The following TTC13 variants were observed in gnomAD, a reference collection of about 807,000 sequenced individuals.
TTC13 encodes tetratricopeptide repeat protein 13.
In TTC13, 62 loss-of-function variants were observed where a neutral mutation model predicts 120.0. The observed-to-expected ratio is 0.52, with a 90% CI of 0.42 to 0.64. The LOEUF is 0.64. Ranked by LOEUF, TTC13 falls within the 30% of genes least tolerant of loss-of-function variation. The probability of loss-of-function intolerance (pLI) is 0.00; values close to 1 mark genes in which losing one functional copy is unlikely to be tolerated. For missense variants in TTC13, 824 were observed against 1,050.2 expected (o/e 0.78, Z 2.98); for synonymous variants, 384 against 393.5 (o/e 0.98, Z 0.28).
At chr1:230,959,854 A>G (rs1158065175) in intron 2 of TTC13, among the ~76,000 whole-genome samples, 2 of 152,254 alleles carry the variant, frequency 1.3e-5, no homozygotes, top group Admixed American at 6.5e-5. Context: ...CTTACACTTC[A>G]GTTCCTGAAA....
chr1:230,923,784 C>T (rs1672803174), intron 15 of TTC13, 57 bp downstream of exon 15: 1 of 1,455,326 alleles, frequency 6.9e-7, no homozygotes, highest in Admixed American at 1.7e-5. Flanking sequence ...TCTCCATGGC[C>T]TGTGTCTTGA....
chr1:230,914,075 C>G (rs1344698179), intron 18 of TTC13, among the ~76,000 whole-genome samples: 2 of 152,052 alleles, frequency 1.3e-5, no homozygotes, highest in Admixed American at 6.6e-5. Context: ...AGATGGGATG[C>G]CAGGCAGAGT....
chr1:230,975,226 T>C (rs1297173551), intron 1 of TTC13, among the ~76,000 whole-genome samples: 1 of 141,152 alleles, frequency 7.1e-6, no homozygotes, highest in Non-Finnish European at 1.5e-5. Context: ...AAAAAAAAAA[T>C]AGCTGGGCAT....
intron 17 of TTC13, among the ~76,000 whole-genome samples, chr1:230,917,427 C>CTTTATTA (rs1672143509): frequency 2.0e-5 from 3 of 152,150 alleles, no homozygotes; most frequent in African/African-American, 7.2e-5. Flanking sequence ...CTCTAGGGGG[C>CTTTATTA]GCTGACATAC....
chr1:230,931,335 C>T lies in TTC13; in HGVS notation c.1263G>A (p.Lys421=). 6.2e-7 allele frequency: 1 copy of T among 1,614,152 alleles called. No individual in the cohort carries two copies. The highest frequency in any genetic ancestry group is 8.5e-7 in the Non-Finnish European group (1 of 1,180,038). Residue 421 remains lysine (K), a synonymous_variant, in exon 11 of 23, where the codon AAG becomes AAA. Transcript: ENST00000366661. ...TTACTTTAAGATACTCAGGGCTAGC[C>T]TTCTGGCCTGGGAGAGGATCATTCA... ...VMLNDPLPGQ[K]ASPEYLKVKY... is the part of the protein sequence containing the mutation.
At chr1:230,934,589 T>C (rs946671732) in intron 8 of TTC13, among the ~76,000 whole-genome samples, 2 of 152,202 alleles carry the variant, frequency 1.3e-5, no homozygotes, top group Non-Finnish European at 2.9e-5. Context: ...ATTAATCAAG[T>C]GTACCATTCT....
In TTC13 at chr1:230,944,384, T is replaced by G. The variant is rs1454284002; in HGVS notation, c.580-486A>C. Among the ~76,000 whole-genome samples, 1 of 152,234 alleles carries G rather than the reference T, an allele frequency of 6.6e-6. No homozygotes were observed. Among genetic ancestry groups the G allele is most frequent in the Non-Finnish European group, 1.5e-5 (1 of 68,042 alleles). Reference sequence around the variant, plus strand: ...TTTACATTAAAAATGCATGTGCAACTTTTTATTAAATATACATGCAAATTT... The same window carrying G: ...TTTACATTAAAAATGCATGTGCAACGTTTTATTAAATATACATGCAAATTT... On this transcript the variant is annotated intron_variant, in intron 5 of 22. Transcript: ENST00000366661. The surrounding 1 kb of genome is among the most constrained non-coding windows in gnomAD (Gnocchi z 4.0).
intron 1 of TTC13, among the ~76,000 whole-genome samples, chr1:230,973,558 G>A (rs1056993741): frequency 4.6e-5 from 7 of 152,110 alleles, no homozygotes; most frequent in African/African-American, 1.7e-4. Flanking sequence ...CATCACTCAA[G>A]AGCAGTGAAA....
At chr1:230,911,959 T>A (rs77493470) in intron 19 of TTC13, among the ~76,000 whole-genome samples, 1 of 152,198 alleles carries the variant, frequency 6.6e-6, no homozygotes, top group East Asian at 1.9e-4. Context: ...GAGATTTGGA[T>A]GATGCTCAAT....
intron 1 of TTC13, among the ~76,000 whole-genome samples, chr1:230,974,170 A>G (rs186868899): frequency 1.3e-5 from 2 of 152,250 alleles, no homozygotes; most frequent in African/African-American, 4.8e-5. Context: ...AGATCTACAG[A>G]GTGTTGAATT....
chr1:230,908,295 C>T (rs1671137888), intron 22 of TTC13: 2 of 404,846 alleles, frequency 4.9e-6, no homozygotes, highest in Non-Finnish European at 9.7e-6. Flanking sequence ...TCAAGAGATC[C>T]TCTCGCTTCA....
chr1:230,933,357 C>A (rs1420347145), intron 9 of TTC13, among the ~76,000 whole-genome samples: 1 of 151,984 alleles, frequency 6.6e-6, no homozygotes, highest in African/African-American at 2.4e-5. Context: ...GTTCTAGTTA[C>A]AACTTCTCAT....
At chr1:230,925,687 C>T in intron 12 of TTC13, 40 bp from the exon 13 acceptor site, 2 of 1,609,820 alleles carry the variant, frequency 1.2e-6, no homozygotes, top group East Asian at 2.2e-5. Flanking sequence ...ACTTTTACAA[C>T]AGACATTTGG....
chr1:230,927,472 C>G (rs960553218), intron 12 of TTC13, among the ~76,000 whole-genome samples: 3 of 152,124 alleles, frequency 2.0e-5, no homozygotes, highest in Non-Finnish European at 4.4e-5. Context: ...TAAAGTATCT[C>G]TTCATGTTTG....
chr1:230,908,670 C>A, intron 22 of TTC13, 42 bp downstream of exon 22: 1 of 1,538,928 alleles, frequency 6.5e-7, no homozygotes, highest in Non-Finnish European at 8.9e-7. Context: ...TTTTCCTCCT[C>A]CAGTTATGAT....
chr1:230,975,609 T>C (rs1678213432), intron 1 of TTC13, among the ~76,000 whole-genome samples: 1 of 152,222 alleles, frequency 6.6e-6, no homozygotes, highest in African/African-American at 2.4e-5. Context: ...ATATTTTTTC[T>C]CTACAAGTAA....
intron 20 of TTC13, among the ~76,000 whole-genome samples, chr1:230,910,214 T>A (rs768111004): frequency 2.6e-5 from 4 of 152,050 alleles, no homozygotes; most frequent in Non-Finnish European, 5.9e-5. Flanking sequence ...TAAAGACATG[T>A]GCTCTGCAAC....
chr1:230,923,896 G>T lies in TTC13; in HGVS notation c.1759C>A (p.Gln587Lys). 1 of 1,614,026 alleles carries T rather than the reference G, an allele frequency of 6.2e-7. No homozygotes were observed. The highest frequency in any genetic ancestry group is 8.5e-7 in the Non-Finnish European group (1 of 1,179,914). ...CTGCTAAGACTTCGTGCTGGCATTT[G>T]ATCTAACCACAGCACGGGCTGGTCT... ...DPDQPVLWLD[Q>K]MPARSLSRGF... is the part of the protein sequence containing the mutation. The change falls in exon 15 of 23, where the codon CAA becomes AAA. Residue 587 changes from glutamine to lysine, a missense_variant. Gln to Lys is a moderately conservative substitution (Grantham distance 53, BLOSUM62 1). Around this residue, in one of 4 missense-constraint regions of TTC13, gnomAD observed 430 missense variants for 626.8 expected, o/e 0.69. Transcript: ENST00000366661.
At position 230,978,563 on chromosome 1, in the gene TTC13, C is replaced by T. The variant is rs1435128652; in HGVS notation, c.268G>A (p.Gly90Ser). 2.7e-6 allele frequency: 3 copies of T among 1,109,124 alleles called. No individual in the cohort carries two copies. The highest frequency in any genetic ancestry group is 1.6e-5 in the African/African-American group (1 of 60,666). 68.7% of individuals were successfully genotyped at this position (1,109,124 alleles called of 1,614,324 possible). Reference protein sequence around the residue: ...DWGDQYSAECGESSFLNFHDS... With the variant: ...DWGDQYSAECSESSFLNFHDS... ...ACGCCCGCCGCCGCCCACTCACCGCCGCACTCGGCAGAGTACTGGTCCCCC... is the reference window on the plus strand; with the variant it reads ...ACGCCCGCCGCCGCCCACTCACCGCTGCACTCGGCAGAGTACTGGTCCCCC... Residue 90 changes from glycine (G) to serine (S), a missense_variant, in exon 1 of 23, where the codon GGC (glycine) becomes AGC (serine). Physicochemically the swap from Gly to Ser is moderately conservative, Grantham distance 56. This residue lies in a region of TTC13 where 160 missense variants were observed against 137.2 expected (regional missense o/e 1.17). Transcript: ENST00000366661. This position sits in a 1 kb window ranked among gnomAD's most constrained non-coding sequence, Gnocchi z 5.6.
Sources: gnomAD v4.1 joint callset for allele counts (sites outside exome capture counted in the v4.1 genomes callset) on GRCh38, gnomAD v4.1.1 for gene constraint, gnomAD v4.1.1 regional missense constraint, Gnocchi (gnomAD v3.1) non-coding constraint, MANE v1.5 for transcripts, NCBI Gene and HGNC (gene_info 2026-07-23, HGNC 2026-07-21) for gene names.